The following SLIT2 variants were observed in gnomAD, a reference collection of about 807,000 sequenced individuals.
The protein encoded by SLIT2 is slit guidance ligand 2.
A neutral mutation model predicts 185.7 loss-of-function variants in SLIT2; 41 were observed. The observed-to-expected ratio is 0.22, with a 90% CI of 0.17 to 0.29. The LOEUF (loss-of-function observed/expected upper bound fraction) is 0.29. Ranked by LOEUF, SLIT2 falls within the 10% of genes least tolerant of loss-of-function variation. The pLI is 1.00. For synonymous variants in SLIT2, 693 were observed against 680.2 expected (o/e 1.02, Z -0.29); for missense variants, 1,571 against 1,909.0 (o/e 0.82, Z 3.30).
intron 4 of SLIT2, among the ~76,000 whole-genome samples, chr4:20,384,919 C>A: frequency 6.6e-6 from 1 of 152,150 alleles, no homozygotes; most frequent in Admixed American, 6.6e-5. Flanking sequence ...AAAACATTTT[C>A]ATGGGTGCAA....
At chr4:20,603,486 C>T (rs191701167) in intron 33 of SLIT2, among the ~76,000 whole-genome samples, 1 of 152,166 alleles carries the variant, frequency 6.6e-6, no homozygotes, top group Non-Finnish European at 1.5e-5. Flanking sequence ...TAATAATCTG[C>T]TCTTTCAAAG....
chr4:20,368,265 G>T (rs367619477), intron 4 of SLIT2, among the ~76,000 whole-genome samples: 1 of 146,766 alleles, frequency 6.8e-6, no homozygotes, highest in Non-Finnish European at 1.5e-5. Flanking sequence ...GAGAAAGAAT[G>T]GGAAGTAGAG....
At chr4:20,541,854 G>A (rs35247706) in intron 20 of SLIT2, among the ~76,000 whole-genome samples, 31,669 of 152,076 alleles carry the variant, frequency 0.21, 3,972 homozygotes, top group Middle Eastern at 0.36. Flanking sequence ...TTTCCAACTT[G>A]TGGTTGGTCT....
chr4:20,550,742 AT>A (rs1225813664), intron 24 of SLIT2, 84 bp from the exon 25 acceptor site: 14 of 774,608 alleles, frequency 1.8e-5, no homozygotes, highest in Non-Finnish European at 2.8e-5. Context: ...TAAAATGCTT[AT>A]TATAAACTAA....
intron 4 of SLIT2, among the ~76,000 whole-genome samples, chr4:20,448,305 A>C (rs901697334): frequency 1.3e-5 from 2 of 151,704 alleles, no homozygotes; most frequent in Non-Finnish European, 2.9e-5. Flanking sequence ...ATTATTTATG[A>C]GTTTATTTTT....
At position 20,528,194 on chromosome 4, in the gene SLIT2, C is replaced by T. The variant is rs765035132; in HGVS notation, c.1463-755C>T. 13 of 521,996 alleles carry T rather than the reference C, an allele frequency of 2.5e-5. No individual in the cohort carries two copies. The highest frequency in any genetic ancestry group is 1.0e-4 in the Admixed American group (5 of 49,738). The allele number at this position is 521,996 out of a possible 1,614,324, so 32.3% of individuals were successfully genotyped here. On this transcript the variant is annotated intron_variant, in intron 15 of 36. Coordinates refer to ENST00000504154, the MANE Select transcript of SLIT2 (RefSeq NM_004787.4). This position sits in a 1 kb window ranked among gnomAD's most constrained non-coding sequence, Gnocchi z 4.2. ...AATGCATGTCATGTAAACAGTATTACGTTTCCAGAACGTCTGTAGCTTTTC... is the reference window on the plus strand; with the variant it reads ...AATGCATGTCATGTAAACAGTATTATGTTTCCAGAACGTCTGTAGCTTTTC...
chr4:20,278,126 A>C (rs1041095252), intron 4 of SLIT2, among the ~76,000 whole-genome samples: 1 of 152,174 alleles, frequency 6.6e-6, no homozygotes, highest in Admixed American at 6.5e-5. Flanking sequence ...CTGTTAAAGT[A>C]AAATCTTTCT....
intron 4 of SLIT2, among the ~76,000 whole-genome samples, chr4:20,445,650 A>G (rs1199097266): frequency 1.3e-5 from 2 of 152,190 alleles, no homozygotes; most frequent in South Asian, 4.1e-4. Context: ...TCTTGTGGGT[A>G]TGTGCATGTA....
chr4:20,539,227 T>G (rs1393435086), intron 18 of SLIT2, among the ~76,000 whole-genome samples: 1 of 152,232 alleles, frequency 6.6e-6, no homozygotes, highest in Non-Finnish European at 1.5e-5. Context: ...CACCGTGCCT[T>G]TTGTAACTGA....
chr4:20,520,835 T>C (rs1720778643), intron 12 of SLIT2, among the ~76,000 whole-genome samples: 1 of 152,196 alleles, frequency 6.6e-6, no homozygotes, highest in Non-Finnish European at 1.5e-5. Flanking sequence ...AGTAAATTTA[T>C]TTTACAATAG....
At position 20,370,668 on chromosome 4, in the gene SLIT2, ATTC is replaced by A. The variant is rs1182443815; in HGVS notation, c.396-97081_396-97079del. Among the ~76,000 whole-genome samples, 294 of 152,174 alleles carry A rather than the reference ATTC, an allele frequency of 1.9e-3. 8 individuals are homozygous for A. The East Asian group carries it at 0.047, about 24-fold the overall frequency. ...CCTCAAATCATTCTCCATTTCCCAA[ATTC>A]TTGACCTTGGTAAATGGCTATGAGG... On this transcript the variant is annotated intron_variant, in intron 4 of 36. Transcript: ENST00000504154.
chr4:20,442,083 G>A (rs1031595824), intron 4 of SLIT2, among the ~76,000 whole-genome samples: 1 of 152,070 alleles, frequency 6.6e-6, no homozygotes, highest in African/African-American at 2.4e-5. Flanking sequence ...AAAGGTTGGG[G>A]AAAGGCAAAC....
chr4:20,272,331 T>G (rs2109036008), intron 4 of SLIT2, among the ~76,000 whole-genome samples: 1 of 152,100 alleles, frequency 6.6e-6, no homozygotes, highest in Non-Finnish European at 1.5e-5. Context: ...TATCTTCCCC[T>G]TTGCTCCTCC....
At chr4:20,508,589 A>G (rs899007051) in intron 9 of SLIT2, among the ~76,000 whole-genome samples, 1 of 152,112 alleles carries the variant, frequency 6.6e-6, no homozygotes. Flanking sequence ...TACATAAAAT[A>G]TGCTCAAAAT....
intron 26 of SLIT2, among the ~76,000 whole-genome samples, chr4:20,559,972 T>G (rs773084685): frequency 2.7e-4 from 41 of 151,952 alleles, no homozygotes; most frequent in Non-Finnish European, 5.0e-4. Context: ...GGCCAAGTAT[T>G]TTAATCTATT....
At chr4:20,288,431 T>C (rs1231486445) in intron 4 of SLIT2, among the ~76,000 whole-genome samples, 7 of 152,226 alleles carry the variant, frequency 4.6e-5, no homozygotes, top group Admixed American at 1.3e-4. Context: ...GACACATTAC[T>C]GAGTGCATGT....
chr4:20,562,081 T>G (rs1724738755), intron 26 of SLIT2, among the ~76,000 whole-genome samples: 2 of 151,824 alleles, frequency 1.3e-5, no homozygotes, highest in Non-Finnish European at 2.9e-5. Context: ...TTAGCCTTTG[T>G]GTTTTTAGCT....
intron 26 of SLIT2, among the ~76,000 whole-genome samples, chr4:20,559,295 G>A (rs951629146): frequency 3.9e-5 from 6 of 151,958 alleles, no homozygotes; most frequent in East Asian, 1.9e-4. Flanking sequence ...CAAACAGCAT[G>A]CGTGTAAGCC....
chr4:20,449,685 G>A (rs1712251119), intron 4 of SLIT2, among the ~76,000 whole-genome samples: 1 of 152,138 alleles, frequency 6.6e-6, no homozygotes, highest in East Asian at 1.9e-4. Flanking sequence ...GGGATTACAC[G>A]CGTGAGCCAC....
Sources: gnomAD v4.1 joint callset for allele counts (sites outside exome capture counted in the v4.1 genomes callset) on GRCh38, gnomAD v4.1.1 for gene constraint, Gnocchi (gnomAD v3.1) non-coding constraint, MANE v1.5 for transcripts, NCBI Gene and HGNC (gene_info 2026-07-23, HGNC 2026-07-21) for gene names.